The following MKLN1 variants were observed in gnomAD, a reference collection of about 807,000 sequenced individuals.
MKLN1 encodes muskelin 1, also known as muskelin.
A neutral mutation model predicts 99.0 loss-of-function variants in MKLN1; 18 were observed. That is an observed-to-expected ratio of 0.18 (90% CI 0.13 to 0.27). The LOEUF (loss-of-function observed/expected upper bound fraction) is 0.27, where lower values mean the gene tolerates loss of function less well. Among genes scored for constraint, MKLN1 ranks in the 10% least tolerant of loss-of-function variants. The pLI is 1.00. For synonymous variants in MKLN1, 288 were observed against 293.2 expected (o/e 0.98, Z 0.18); for missense variants, 621 against 875.9 (o/e 0.71, Z 3.67).
chr7:131,465,495 GCCATTTAAT>G (rs1371231176), intron 14 of MKLN1, among the ~76,000 whole-genome samples: 1 of 152,010 alleles, frequency 6.6e-6, no homozygotes, highest in Non-Finnish European at 1.5e-5. Context: ...AATTATATGT[GCCATTTAAT>G]ATTTGGCATT....
intron 2 of MKLN1, among the ~76,000 whole-genome samples, chr7:131,190,838 A>G (rs972063757): frequency 1.3e-5 from 2 of 152,204 alleles, no homozygotes; most frequent in Non-Finnish European, 2.9e-5. Flanking sequence ...AAATGGATGG[A>G]TAACAACTTC....
In MKLN1 at chr7:131,153,663, G is replaced by GTTTTTTTTTTTTTTTTTTTTTTTTTTTTT. The variant is rs144256871; in HGVS notation, c.-297+10722_-297+10723insTTTTTTTTTTTTTTTTTTTTTTTTTTTTT. The stretch of plus-strand genomic sequence containing the variant: ...TACAAAATGAAAGTAGGTTTTTTTT[G>GTTTTTTTTTTTTTTTTTTTTTTTTTTTTT]GTTTTTTTTTTTTTTTTGAGAAGGA... On this transcript the variant is annotated intron_variant, in intron 2 of 7. Coordinates refer to the MKLN1 transcript ENST00000416992. Among the ~76,000 whole-genome samples the GTTTTTTTTTTTTTTTTTTTTTTTTTTTTT allele has an allele frequency of 1.5e-5, 2 of 135,246 alleles. 1 individual carries two copies. 88.7% of individuals were successfully genotyped at this position (135,246 alleles called of 152,430 possible). A position where few individuals can be genotyped will look rare whatever the true frequency, so the allele number is the denominator to read the frequency against.
At chr7:131,235,290 A>G (rs955546721) in intron 3 of MKLN1, among the ~76,000 whole-genome samples, 5 of 151,266 alleles carry the variant, frequency 3.3e-5, no homozygotes, top group Admixed American at 3.3e-4. Context: ...GAAGACACAC[A>G]CACACTGTGT....
At chr7:131,161,485 G>C (rs1298012061) in intron 2 of MKLN1, among the ~76,000 whole-genome samples, 1 of 152,188 alleles carries the variant, frequency 6.6e-6, no homozygotes, top group Non-Finnish European at 1.5e-5. Context: ...TGGCATTGTT[G>C]GTGGTGACAA....
intron 2 of MKLN1, among the ~76,000 whole-genome samples, chr7:131,184,973 A>G (rs1796427918): frequency 6.6e-6 from 1 of 152,240 alleles, no homozygotes; most frequent in South Asian, 2.1e-4. Flanking sequence ...CTTGCCTGCC[A>G]TCAGGAAAGA....
chr7:131,371,253 T>C (rs1163187068), intron 1 of MKLN1, among the ~76,000 whole-genome samples: 2 of 152,194 alleles, frequency 1.3e-5, no homozygotes, highest in Non-Finnish European at 2.9e-5. Flanking sequence ...TTCTTTTCTT[T>C]CTTCTTAAAA....
chr7:131,448,149 A>T (rs554377569), intron 12 of MKLN1, among the ~76,000 whole-genome samples: 2 of 152,044 alleles, frequency 1.3e-5, no homozygotes, highest in Non-Finnish European at 2.9e-5. Flanking sequence ...AATGGCGTGA[A>T]CCCGGGAGGT....
intron 11 of MKLN1, among the ~76,000 whole-genome samples, chr7:131,444,747 GT>G (rs1563351874): frequency 0.043 from 4,407 of 102,568 alleles, 111 homozygotes; most frequent in East Asian, 0.1. Context: ...AGTAGTAGTA[GT>G]AGTAGTAGTA....
intron 3 of MKLN1, among the ~76,000 whole-genome samples, chr7:131,220,419 T>C (rs1174918580): frequency 6.8e-6 from 1 of 147,850 alleles, no homozygotes; most frequent in Non-Finnish European, 1.5e-5. Flanking sequence ...CTTGTATACA[T>C]GTAACCGTAA....
chr7:131,115,943 C>T (rs1795270828), intron 1 of MKLN1, among the ~76,000 whole-genome samples: 1 of 152,100 alleles, frequency 6.6e-6, no homozygotes, highest in Non-Finnish European at 1.5e-5. Flanking sequence ...GTTTTTATCA[C>T]ATACGGTTGA....
intron 9 of MKLN1, among the ~76,000 whole-genome samples, chr7:131,430,333 G>A (rs1795486748): frequency 6.6e-6 from 1 of 151,910 alleles, no homozygotes; most frequent in African/African-American, 2.4e-5. Flanking sequence ...TCAAATAGAT[G>A]TTGAAATTCT....
chr7:131,329,550 G>A (rs1799007241), intron 1 of MKLN1, among the ~76,000 whole-genome samples: 1 of 152,184 alleles, frequency 6.6e-6, no homozygotes, highest in South Asian at 2.1e-4. Flanking sequence ...GGACAGTTGG[G>A]AATTGGTGTG....
At chr7:131,273,020 G>A (rs777724623) in intron 3 of MKLN1, among the ~76,000 whole-genome samples, 1 of 152,180 alleles carries the variant, frequency 6.6e-6, no homozygotes, top group Non-Finnish European at 1.5e-5. Context: ...GAAAGAGAAA[G>A]GATGTTAGAA....
At chr7:131,208,505 G>T (rs73149859) in intron 3 of MKLN1, among the ~76,000 whole-genome samples, 26,353 of 152,126 alleles carry the variant, frequency 0.17, 2,635 homozygotes, top group South Asian at 0.31. Context: ...CGAGGCAGGA[G>T]GATTGCCTGA....
chr7:131,247,658 A>G (rs1797512592), intron 3 of MKLN1, among the ~76,000 whole-genome samples: 1 of 152,206 alleles, frequency 6.6e-6, no homozygotes, highest in South Asian at 2.1e-4. Context: ...GTATGAGGCA[A>G]ATGACTGGGT....
intron 11 of MKLN1, among the ~76,000 whole-genome samples, chr7:131,445,460 A>G (rs1006736474): frequency 4.6e-5 from 7 of 151,834 alleles, no homozygotes; most frequent in African/African-American, 1.7e-4. Context: ...CCCCTCTCTC[A>G]CATTCTCTTT....
Position 131,397,291 on chromosome 7 carries a change from G to C in MKLN1, c.425G>C (p.Ser142Thr), listed in dbSNP as rs753742348. The C allele has an allele frequency of 6.2e-7, 1 of 1,612,394 alleles. No homozygotes were observed. Among genetic ancestry groups the C allele is most frequent in the South Asian group, 1.1e-5 (1 of 90,906 alleles). The stretch of plus-strand genomic sequence containing the variant: ...GTTCCACTCTTGTCCTGGGGACCCA[G>C]CTTTAACTTTAGCATCTGGTATGTT... ...KIVPLLSWGP[S>T]FNFSIWYVEL... The change falls in exon 5 of 18, where the codon AGC (serine) becomes ACC (threonine). Residue 142 changes from serine (S) to threonine (T), a missense_variant. Ser to Thr is a moderately conservative substitution (Grantham distance 58). Transcript: ENST00000352689.
At chr7:131,302,889 G>A (rs1798396171) in intron 3 of MKLN1, among the ~76,000 whole-genome samples, 1 of 152,180 alleles carries the variant, frequency 6.6e-6, no homozygotes, top group Non-Finnish European at 1.5e-5. Context: ...CAGGTTCAAT[G>A]AGAAGGTCAG....
Position 131,190,893 on chromosome 7 carries a change from G to A in MKLN1, c.-296-11964G>A, listed in dbSNP as rs566195193. 2.6e-4 allele frequency among the ~76,000 whole-genome samples: 40 copies of A among 152,156 alleles called. 1 individual carries two copies. The highest frequency in any genetic ancestry group is 1.6e-4 in the Non-Finnish European group (11 of 68,036). On this transcript the variant is annotated intron_variant, in intron 2 of 7. Coordinates refer to the MKLN1 transcript ENST00000416992. ...TCTGTTGCTGGAAAAAGCAACTCAG[G>A]CAGGTCTGTTAGACCACTGCTATTT...
Sources: gnomAD v4.1 joint callset for allele counts (sites outside exome capture counted in the v4.1 genomes callset) on GRCh38, gnomAD v4.1.1 for gene constraint, MANE v1.5 for transcripts, NCBI Gene and HGNC (gene_info 2026-07-23, HGNC 2026-07-21) for gene names.